The following ENOX1 variants were observed in gnomAD, a reference collection of about 807,000 sequenced individuals.
ENOX1 encodes ecto-NOX disulfide-thiol exchanger 1.
ENOX1 carries 42 observed loss-of-function variants against 82.5 expected under a neutral mutation model. That is an observed-to-expected ratio of 0.51 (90% CI 0.40 to 0.66). ENOX1 has a LOEUF of 0.66. ENOX1 is among the 30% of genes least tolerant of loss of function. ENOX1 has a pLI of 0.00. For synonymous variants in ENOX1, 271 were observed against 282.2 expected (o/e 0.96, Z 0.40); for missense variants, 608 against 811.6 (o/e 0.75, Z 3.05).
At chr13:43,760,164 ACTC>A (rs1215606623) in intron 1 of ENOX1, among the ~76,000 whole-genome samples, 3 of 152,166 alleles carry the variant, frequency 2.0e-5, no homozygotes, top group Non-Finnish European at 2.9e-5. Flanking sequence ...ATGAAAAGAA[ACTC>A]CTCATTTGTC....
At chr13:43,293,052 A>G (rs1186239540) in intron 12 of ENOX1, among the ~76,000 whole-genome samples, 1 of 151,154 alleles carries the variant, frequency 6.6e-6, no homozygotes, top group Admixed American at 6.6e-5. Flanking sequence ...TCACCATCAC[A>G]GCCACCAACA....
intron 2 of ENOX1, among the ~76,000 whole-genome samples, chr13:43,603,425 T>C (rs1446850495): frequency 1.3e-5 from 2 of 151,910 alleles, no homozygotes; most frequent in Admixed American, 1.3e-4. Context: ...TTAGGATACA[T>C]GTACACAATG....
intron 2 of ENOX1, among the ~76,000 whole-genome samples, chr13:43,563,565 T>C (rs1025049604): frequency 6.6e-6 from 1 of 151,736 alleles, no homozygotes; most frequent in African/African-American, 2.4e-5. Flanking sequence ...ATGAAGACAA[T>C]ACAAATGACT....
chr13:43,330,918 C>A (rs1327447201), intron 9 of ENOX1, among the ~76,000 whole-genome samples: 1 of 152,130 alleles, frequency 6.6e-6, no homozygotes, highest in Non-Finnish European at 1.5e-5. Context: ...AATTTAACAA[C>A]TTTTTTTGCA....
chr13:43,274,272 C>T (rs977816702), intron 12 of ENOX1, among the ~76,000 whole-genome samples: 1 of 152,200 alleles, frequency 6.6e-6, no homozygotes, highest in African/African-American at 2.4e-5. Flanking sequence ...AGTTTCACCA[C>T]AATAAGAACA....
intron 2 of ENOX1, among the ~76,000 whole-genome samples, chr13:43,487,500 G>A (rs2076470076): frequency 6.6e-6 from 1 of 152,166 alleles, no homozygotes; most frequent in Non-Finnish European, 1.5e-5. Context: ...TAACAACACA[G>A]CCAGGTCATA....
At position 43,499,428 on chromosome 13, in the gene ENOX1, C is replaced by T. The variant is rs769021449; in HGVS notation, c.-218-15276G>A. Among the ~76,000 whole-genome samples, 10 of 152,094 alleles carry T rather than the reference C, an allele frequency of 6.6e-5. No individual in the cohort carries two copies. In the East Asian group the frequency reaches 1.9e-3, roughly 29 times the overall value. On this transcript the variant is annotated intron_variant, in intron 2 of 16. Coordinates refer to ENST00000690772, the MANE Select transcript of ENOX1 (RefSeq NM_001347969.2). ...CTATAACCACTACTTCCAAAAAAGACACAGGTTGCCAATAGAAAAATTAAT... is the reference window on the plus strand; with the variant it reads ...CTATAACCACTACTTCCAAAAAAGATACAGGTTGCCAATAGAAAAATTAAT...
At chr13:43,228,642 A>C (rs1298369547) in intron 15 of ENOX1, among the ~76,000 whole-genome samples, 1 of 152,224 alleles carries the variant, frequency 6.6e-6, no homozygotes, top group African/African-American at 2.4e-5. Context: ...CTAAGGATGC[A>C]GTATTTAAAT....
At chr13:43,450,602 T>C (rs954255231) in intron 3 of ENOX1, among the ~76,000 whole-genome samples, 6 of 152,136 alleles carry the variant, frequency 3.9e-5, no homozygotes, top group Non-Finnish European at 8.8e-5. Flanking sequence ...AGCTTTAGGA[T>C]AGCTAATTTA....
At chr13:43,237,219 C>T (rs2042590780) in intron 14 of ENOX1, among the ~76,000 whole-genome samples, 1 of 152,112 alleles carries the variant, frequency 6.6e-6, no homozygotes, top group Non-Finnish European at 1.5e-5. Flanking sequence ...TATGGATCCT[C>T]ATGAATAAAT....
chr13:43,668,474 C>T (rs2085094292), intron 1 of ENOX1, among the ~76,000 whole-genome samples: 1 of 152,330 alleles, frequency 6.6e-6, no homozygotes, highest in South Asian at 2.1e-4. Flanking sequence ...AAACACCTTA[C>T]ATCTGGCTAA....
At chr13:43,644,517 G>A (rs1466472561) in intron 2 of ENOX1, among the ~76,000 whole-genome samples, 1 of 152,092 alleles carries the variant, frequency 6.6e-6, no homozygotes, top group Non-Finnish European at 1.5e-5. Context: ...GAATGCTTTA[G>A]CGAAGGAATT....
intron 14 of ENOX1, among the ~76,000 whole-genome samples, chr13:43,255,623 T>C (rs2043701770): frequency 6.6e-6 from 1 of 152,138 alleles, no homozygotes; most frequent in Admixed American, 6.5e-5. Flanking sequence ...AGTATTTATA[T>C]ATGCCAACAG....
At chr13:43,749,728 T>C (rs1950214401) in intron 1 of ENOX1, among the ~76,000 whole-genome samples, 1 of 151,678 alleles carries the variant, frequency 6.6e-6, no homozygotes, top group Non-Finnish European at 1.5e-5. Flanking sequence ...TAACAAGCAC[T>C]TCACTCCTCT....
chr13:43,482,160 A>C (rs547776763), intron 3 of ENOX1, among the ~76,000 whole-genome samples: 2 of 152,136 alleles, frequency 1.3e-5, no homozygotes, highest in Non-Finnish European at 2.9e-5. Context: ...AAAAAACTGA[A>C]AACAGGATCT....
chr13:43,670,972 GCT>G (rs1238520928), intron 1 of ENOX1, among the ~76,000 whole-genome samples: 1 of 152,052 alleles, frequency 6.6e-6, no homozygotes, highest in African/African-American at 2.4e-5. Context: ...ATATGATCTG[GCT>G]CTGTGTCCCT....
chr13:43,748,211 A>G (rs1020902829), intron 1 of ENOX1, among the ~76,000 whole-genome samples: 4 of 152,198 alleles, frequency 2.6e-5, no homozygotes, highest in Admixed American at 2.6e-4. Context: ...ATTCATTTAC[A>G]TATTTTACTC....
At chr13:43,670,799 C>T (rs1006155293) in intron 1 of ENOX1, among the ~76,000 whole-genome samples, 9 of 152,022 alleles carry the variant, frequency 5.9e-5, no homozygotes, top group African/African-American at 7.2e-5. Flanking sequence ...GCCAAGATCG[C>T]GACACTGCAC....
At chr13:43,385,694 T>A (rs921232340) in intron 5 of ENOX1, among the ~76,000 whole-genome samples, 16 of 152,282 alleles carry the variant, frequency 1.1e-4, no homozygotes, top group African/African-American at 3.4e-4. Context: ...AACCATATAT[T>A]TGGAATGATA....
Sources: gnomAD v4.1 joint callset for allele counts (sites outside exome capture counted in the v4.1 genomes callset) on GRCh38, gnomAD v4.1.1 for gene constraint, MANE v1.5 for transcripts, NCBI Gene and HGNC (gene_info 2026-07-23, HGNC 2026-07-21) for gene names.